Variants in HS3ST5 observed in about 807,000 individuals in gnomAD.
HS3ST5 encodes heparan sulfate glucosamine 3-O-sulfotransferase 5.
In HS3ST5, 10 loss-of-function variants were observed where a neutral mutation model predicts 25.4. The observed-to-expected ratio is 0.39, with a 90% CI of 0.24 to 0.67. The LOEUF (loss-of-function observed/expected upper bound fraction) is 0.67. Ranked by LOEUF, HS3ST5 falls within the 30% of genes least tolerant of loss-of-function variation. The pLI is 0.44. For missense variants in HS3ST5, 324 were observed against 420.7 expected (o/e 0.77, Z 2.01); for synonymous variants, 170 against 162.4 (o/e 1.05, Z -0.36).
chr6:114,316,962 T>C (rs1002801775), intron 1 of HS3ST5, among the ~76,000 whole-genome samples: 5 of 152,206 alleles, frequency 3.3e-5, no homozygotes, highest in African/African-American at 1.2e-4. Context: ...AATTGTTGCA[T>C]AGCAGTTACA....
At chr6:114,278,273 A>G (rs1254497194) in intron 1 of HS3ST5, among the ~76,000 whole-genome samples, 2 of 151,992 alleles carry the variant, frequency 1.3e-5, no homozygotes, top group Non-Finnish European at 2.9e-5. Context: ...CAATTCTTCT[A>G]CTTCTTGAAT....
intron 1 of HS3ST5, among the ~76,000 whole-genome samples, chr6:114,314,649 G>A (rs1257142825): frequency 2.0e-5 from 3 of 152,038 alleles, no homozygotes; most frequent in Non-Finnish European, 4.4e-5. Flanking sequence ...TTTCCTCTCT[G>A]GAGATATGGC....
intron 3 of HS3ST5, among the ~76,000 whole-genome samples, chr6:114,112,181 G>A (rs546414129): frequency 1.1e-4 from 16 of 152,304 alleles, no homozygotes; most frequent in South Asian, 4.1e-4. Context: ...ATTATATGGC[G>A]AAGGGGAATT....
chr6:114,204,493 A>T (rs1032656724), intron 2 of HS3ST5, among the ~76,000 whole-genome samples: 2 of 152,184 alleles, frequency 1.3e-5, no homozygotes, highest in African/African-American at 4.8e-5. Context: ...TCAAAATAAT[A>T]CTATAGACAT....
At chr6:114,260,383 A>G (rs1015848349) in intron 1 of HS3ST5, among the ~76,000 whole-genome samples, 1 of 152,238 alleles carries the variant, frequency 6.6e-6, no homozygotes, top group Non-Finnish European at 1.5e-5. Context: ...AAATTCTTCA[A>G]TGAGTTTAAC....
At chr6:114,086,742 T>A (rs780788627) in intron 3 of HS3ST5, among the ~76,000 whole-genome samples, 4 of 152,172 alleles carry the variant, frequency 2.6e-5, no homozygotes, top group Non-Finnish European at 5.9e-5. Context: ...AACTAGTGAT[T>A]TTTTCTTGAA....
chr6:114,124,571 A>G (rs185134494), intron 3 of HS3ST5, among the ~76,000 whole-genome samples: 3 of 151,402 alleles, frequency 2.0e-5, no homozygotes, highest in Admixed American at 2.0e-4. Context: ...AGTTTATATT[A>G]ATACTTTTCC....
In HS3ST5 at chr6:114,056,926, C is replaced by T. The variant is rs1772798975; in HGVS notation, c.*331G>A. ...ACATTTTCACACATTTATCTTTTGGCTTAAATCTATGAAAATGGCGGGTGA... is the reference window on the plus strand; with the variant it reads ...ACATTTTCACACATTTATCTTTTGGTTTAAATCTATGAAAATGGCGGGTGA... On this transcript the variant is annotated 3_prime_UTR_variant, in exon 5 of 5. Coordinates refer to ENST00000312719, the MANE Select transcript of HS3ST5 (RefSeq NM_153612.4). The T allele has an allele frequency of 4.7e-6, 1 of 213,022 alleles. No homozygotes were observed. Among genetic ancestry groups the T allele is most frequent in the African/African-American group, 2.3e-5 (1 of 43,760 alleles). The allele number at this position is 213,022 out of a possible 1,614,324, so 13.2% of individuals were successfully genotyped here.
intron 3 of HS3ST5, among the ~76,000 whole-genome samples, chr6:114,141,717 G>C (rs1777907073): frequency 1.3e-5 from 2 of 152,190 alleles, no homozygotes; most frequent in Non-Finnish European, 2.9e-5. Context: ...GGCAGTAGGG[G>C]CTGTTTGGAA....
chr6:114,156,675 G>A (rs1778712549), intron 3 of HS3ST5, among the ~76,000 whole-genome samples: 1 of 152,084 alleles, frequency 6.6e-6, no homozygotes, highest in African/African-American at 2.4e-5. Context: ...TCGATATCCA[G>A]TTTATTTCAC....
intron 3 of HS3ST5, among the ~76,000 whole-genome samples, chr6:114,120,612 T>A (rs956186462): frequency 6.6e-6 from 1 of 152,170 alleles, no homozygotes; most frequent in Non-Finnish European, 1.5e-5. Flanking sequence ...TTATAGAAAA[T>A]CAGGGGACAT....
chr6:114,285,745 T>C (rs1774310750), intron 1 of HS3ST5, among the ~76,000 whole-genome samples: 1 of 151,932 alleles, frequency 6.6e-6, no homozygotes, highest in African/African-American at 2.4e-5. Context: ...AGGTGATGGG[T>C]TGATAGGTGC....
intron 3 of HS3ST5, among the ~76,000 whole-genome samples, chr6:114,111,548 C>T (rs1367850417): frequency 4.6e-5 from 7 of 152,162 alleles, no homozygotes; most frequent in African/African-American, 7.2e-5. Context: ...ACAGAACTCC[C>T]TCTCTATGCA....
At chr6:114,240,656 G>T (rs904579137) in intron 1 of HS3ST5, among the ~76,000 whole-genome samples, 4 of 151,988 alleles carry the variant, frequency 2.6e-5, no homozygotes, top group Non-Finnish European at 5.9e-5. Flanking sequence ...ATGTAATCTG[G>T]ACTCTCTTCT....
At chr6:114,128,429 A>T (rs1777155928) in intron 3 of HS3ST5, among the ~76,000 whole-genome samples, 1 of 151,638 alleles carries the variant, frequency 6.6e-6, no homozygotes, top group African/African-American at 2.4e-5. Flanking sequence ...ACTAATGTTG[A>T]TTGCCTGTCT....
intron 3 of HS3ST5, among the ~76,000 whole-genome samples, chr6:114,075,305 C>T (rs1015712783): frequency 2.3e-4 from 35 of 152,294 alleles, no homozygotes; most frequent in African/African-American, 7.9e-4. Flanking sequence ...AGGCAGGATC[C>T]GCTGCACTTC....
chr6:114,094,843 C>T (rs1462822645), intron 3 of HS3ST5, among the ~76,000 whole-genome samples: 3 of 152,186 alleles, frequency 2.0e-5, no homozygotes, highest in African/African-American at 7.2e-5. Flanking sequence ...GATTTTTATA[C>T]ATGACATAAG....
chr6:114,340,094 C>A (rs1776764372), intron 1 of HS3ST5, among the ~76,000 whole-genome samples: 1 of 152,130 alleles, frequency 6.6e-6, no homozygotes, highest in Non-Finnish European at 1.5e-5. Flanking sequence ...GTTATTCATT[C>A]AAAAACATCT....
chr6:114,200,319 G>A (rs1780954009), intron 2 of HS3ST5, among the ~76,000 whole-genome samples: 1 of 152,196 alleles, frequency 6.6e-6, no homozygotes. Flanking sequence ...CACTATGTGT[G>A]ACAAAAGGTG....
Sources: gnomAD v4.1 joint callset for allele counts (sites outside exome capture counted in the v4.1 genomes callset) on GRCh38, gnomAD v4.1.1 for gene constraint, MANE v1.5 for transcripts, NCBI Gene and HGNC (gene_info 2026-07-23, HGNC 2026-07-21) for gene names.